Variants in NR3C1 observed in about 807,000 individuals in gnomAD.
NR3C1 encodes nuclear receptor subfamily 3 group C member 1.
NR3C1 carries 14 observed loss-of-function variants against 74.0 expected under a neutral mutation model. The ratio of observed to expected loss-of-function variants is 0.19; its 90% CI spans 0.12 to 0.30. The LOEUF is 0.30. NR3C1 is among the 10% of genes least tolerant of loss of function. NR3C1 has a pLI of 1.00. For missense variants in NR3C1, 695 were observed against 909.8 expected (o/e 0.76, Z 3.04); for synonymous variants, 308 against 332.5 (o/e 0.93, Z 0.80).
At chr5:143,360,173 C>A (rs1029023332) in intron 2 of NR3C1, among the ~76,000 whole-genome samples, 1 of 152,184 alleles carries the variant, frequency 6.6e-6, no homozygotes, top group Non-Finnish European at 1.5e-5. Context: ...TTTACACACA[C>A]ATGATTAAAG....
chr5:143,337,012 T>C (rs578232302), intron 2 of NR3C1, among the ~76,000 whole-genome samples: 45 of 151,940 alleles, frequency 3.0e-4, no homozygotes, highest in Non-Finnish European at 4.3e-4. Flanking sequence ...TATATATATA[T>C]ACACACACGC....
intron 1 of NR3C1, among the ~76,000 whole-genome samples, chr5:143,418,564 A>T (rs566056101): frequency 1.6e-4 from 25 of 152,302 alleles, no homozygotes; most frequent in Non-Finnish European, 3.4e-4. Flanking sequence ...CTGTGCAGTG[A>T]GCTGGAGATA....
At position 143,285,966 on chromosome 5, in the gene NR3C1, TG is replaced by T. The variant is rs1562700813; in HGVS notation, c.2024-3242del. On this transcript the variant is annotated intron_variant, in intron 7 of 8. Coordinates refer to ENST00000394464, the MANE Select transcript of NR3C1 (RefSeq NM_000176.3). ...AAAACTGAAAAACTTTTAGCCAGAC[TG>T]ATTAAAAAAAAAAAAAAAAAGCAAG... Among the ~76,000 whole-genome samples, 19 of 106,732 alleles carry T rather than the reference TG, an allele frequency of 1.8e-4. No individual in the cohort carries two copies. In the South Asian group the frequency reaches 1.8e-3, roughly 10 times the overall value. The allele number at this position is 106,732 out of a possible 152,430, so 70.0% of individuals were successfully genotyped here.
At chr5:143,412,096 G>A (rs1466975431) in intron 1 of NR3C1, among the ~76,000 whole-genome samples, 3 of 152,104 alleles carry the variant, frequency 2.0e-5, no homozygotes, top group Non-Finnish European at 4.4e-5. Flanking sequence ...AGGCTTAGTT[G>A]AATGGGGTGA....
intron 2 of NR3C1, among the ~76,000 whole-genome samples, chr5:143,368,534 TACACACACACACACACACAC>T (rs201482184): frequency 1.4e-5 from 2 of 144,960 alleles, no homozygotes; most frequent in African/African-American, 2.6e-5. Context: ...ATATTCTAGA[TACACACACACACACACACAC>T]ACACACACAC....
intron 3 of NR3C1, among the ~76,000 whole-genome samples, chr5:143,311,131 CTATAAA>C (rs751151271): frequency 1.3e-5 from 2 of 152,180 alleles, no homozygotes; most frequent in Non-Finnish European, 2.9e-5. Context: ...TTTTTGTACT[CTATAAA>C]TATCCTAGCT....
At chr5:143,403,740 T>C (rs2151950002), upstream of NR3C1, 1 of 984,554 alleles carries the variant, frequency 1.0e-6, no homozygotes, top group South Asian at 4.7e-5. Flanking sequence ...CCCCGGCCGC[T>C]CCCCGCCCGA....
chr5:143,346,867 T>C (rs768802115), intron 2 of NR3C1, among the ~76,000 whole-genome samples: 1 of 152,222 alleles, frequency 6.6e-6, no homozygotes, highest in African/African-American at 2.4e-5. Flanking sequence ...CAAATAAGAT[T>C]CTTTTATAAT....
intron 2 of NR3C1, among the ~76,000 whole-genome samples, chr5:143,373,243 T>C (rs1390556757): frequency 6.6e-6 from 1 of 152,154 alleles, no homozygotes; most frequent in Non-Finnish European, 1.5e-5. Flanking sequence ...AAAACTCTTA[T>C]AAATGTGTTT....
chr5:143,403,076 G>GGCCGCCCCCC, intron 1 of NR3C1, 135 bp downstream of exon 1: 4 of 860,756 alleles, frequency 4.6e-6, no homozygotes, highest in South Asian at 5.3e-5. Flanking sequence ...CCCGGCCCTT[G>GGCCGCCCCCC]CCAGCCCCCC....
At chr5:143,311,415 C>T (rs1215536717) in intron 3 of NR3C1, among the ~76,000 whole-genome samples, 1 of 152,136 alleles carries the variant, frequency 6.6e-6, no homozygotes, top group Admixed American at 6.5e-5. Context: ...ATTTCTTTAT[C>T]CCAGGTATGT....
intron 4 of NR3C1, among the ~76,000 whole-genome samples, chr5:143,303,128 A>C (rs953554316): frequency 1.3e-5 from 2 of 151,922 alleles, no homozygotes; most frequent in Non-Finnish European, 2.9e-5. Context: ...AGAAGTGAAA[A>C]AGATCTTCAC....
At chr5:143,411,669 TAA>T (rs1215455728) in intron 1 of NR3C1, among the ~76,000 whole-genome samples, 6 of 152,222 alleles carry the variant, frequency 3.9e-5, no homozygotes, top group Non-Finnish European at 7.3e-5. Context: ...AATTTACTAT[TAA>T]GAGTGTTATA....
At position 143,293,850 on chromosome 5, in the gene NR3C1, CA is replaced by C. The variant is rs1371694172; in HGVS notation, c.2023+1609del. 20 of 956,488 alleles carry C rather than the reference CA, an allele frequency of 2.1e-5. No individual in the cohort carries two copies. In the East Asian group the frequency reaches 2.1e-3, roughly 99 times the overall value. 59.3% of individuals were successfully genotyped at this position (956,488 alleles called of 1,614,324 possible). A position where few individuals can be genotyped will look rare whatever the true frequency, so the allele number is the denominator to read the frequency against. ...TAGCTCAATTAGTCTGGGATGTATA[CA>C]ATTGAAACCATTCTTTTTTTTTTTT... On this transcript the variant is annotated intron_variant, in intron 7 of 8. Coordinates refer to ENST00000394464, the MANE Select transcript of NR3C1 (RefSeq NM_000176.3).
At chr5:143,358,272 A>G (rs902334474) in intron 2 of NR3C1, among the ~76,000 whole-genome samples, 6 of 152,222 alleles carry the variant, frequency 3.9e-5, no homozygotes, top group Non-Finnish European at 5.9e-5. Flanking sequence ...TGGACATAAG[A>G]GGACATGAGA....
At chr5:143,339,512 G>A (rs1827809994) in intron 2 of NR3C1, among the ~76,000 whole-genome samples, 2 of 152,130 alleles carry the variant, frequency 1.3e-5, no homozygotes, top group Non-Finnish European at 2.9e-5. Flanking sequence ...CAAGAGTTTA[G>A]TTTTATTCTC....
chr5:143,285,456 G>A (rs539381518), intron 7 of NR3C1, among the ~76,000 whole-genome samples: 22 of 152,276 alleles, frequency 1.4e-4, no homozygotes, highest in African/African-American at 4.8e-4. Context: ...TGACATTTCT[G>A]AAACAGTCTA....
Position 143,280,475 on chromosome 5 carries a change from TGTTAA to T in NR3C1, c.*1409_*1413del, listed in dbSNP as rs1283281848. 2 of 152,596 alleles carry T rather than the reference TGTTAA, an allele frequency of 1.3e-5. No individual in the cohort carries two copies. Among genetic ancestry groups the T allele is most frequent in the Admixed American group, 1.3e-4 (2 of 15,276 alleles). 9.5% of individuals were successfully genotyped at this position (152,596 alleles called of 1,614,324 possible). ...CAAATTTCTTGTGGCTTAGTAAATA[TGTTAA>T]GTTTTGAGTTTACAGAAAGTTGGTA... On this transcript the variant is annotated 3_prime_UTR_variant, in exon 9 of 9. Transcript: ENST00000394464.
chr5:143,336,012 G>C (rs1294147280), intron 2 of NR3C1, among the ~76,000 whole-genome samples: 1 of 152,190 alleles, frequency 6.6e-6, no homozygotes, highest in African/African-American at 2.4e-5. Flanking sequence ...CTGGTGAACT[G>C]GCTATTGATA....
Sources: allele counts gnomAD v4.1 joint callset (sites outside exome capture counted in the v4.1 genomes callset), GRCh38; gene constraint gnomAD v4.1.1; transcripts MANE v1.5; gene names NCBI Gene and HGNC (gene_info 2026-07-23, HGNC 2026-07-21).